The following DOP1B variants were observed in gnomAD, a reference collection of about 807,000 sequenced individuals.
The protein encoded by DOP1B is protein DOP1B.
A neutral mutation model predicts 233.5 loss-of-function variants in DOP1B; 174 were observed. That is an observed-to-expected ratio of 0.75 (90% CI 0.66 to 0.85). The LOEUF is 0.85. DOP1B is among the 40% of genes least tolerant of loss of function. The probability of loss-of-function intolerance (pLI) is 0.00; values close to 1 mark genes in which losing one functional copy is unlikely to be tolerated. For synonymous variants in DOP1B, 1,190 were observed against 1,185.6 expected, an observed-to-expected ratio of 1.00 and a Z score of -0.08; for missense variants, 2,652 against 2,846.6, an observed-to-expected ratio of 0.93 and a Z score of 1.56.
chr21:36,199,536 A>G (rs1257047357), intron 3 of DOP1B, among the ~76,000 whole-genome samples: 1 of 152,072 alleles, frequency 6.6e-6, no homozygotes, highest in African/African-American at 2.4e-5. Flanking sequence ...TGCTGCACCC[A>G]TTAACTCGTC....
intron 2 of DOP1B, among the ~76,000 whole-genome samples, chr21:36,182,971 G>A (rs1377870681): frequency 6.6e-6 from 1 of 152,202 alleles, no homozygotes; most frequent in Non-Finnish European, 1.5e-5. Flanking sequence ...GCATGCTGTG[G>A]CATGGCAGAC....
At position 36,237,326 on chromosome 21, in the gene DOP1B, T is replaced by A. The variant is rs989808277; in HGVS notation, c.2687T>A (p.Val896Glu). Residue 896 changes from valine (V) to glutamate (E), a missense_variant, in exon 16 of 37, where the codon GTA becomes GAA. Coordinates refer to ENST00000691173, the MANE Select transcript of DOP1B (RefSeq NM_001320714.2). ...ACCCGGGAGCATCACGTCACCTGCGTAGAATTGTTCTACCGGCTGCACTGC... is the reference window on the plus strand; with the variant it reads ...ACCCGGGAGCATCACGTCACCTGCGAAGAATTGTTCTACCGGCTGCACTGC... ...KETREHHVTC[V>E]ELFYRLHCLA... 1 of 1,614,068 alleles carries A rather than the reference T, an allele frequency of 6.2e-7. No individual in the cohort carries two copies. The highest frequency in any genetic ancestry group is 1.3e-5 in the African/African-American group (1 of 74,918).
At chr21:36,214,593 T>A in intron 9 of DOP1B, 37 bp downstream of exon 9, 1 of 1,530,426 alleles carries the variant, frequency 6.5e-7, no homozygotes, top group Non-Finnish European at 9.0e-7. Context: ...CTATGCTGAA[T>A]ACAGATTACC....
At position 36,214,517 on chromosome 21, in the gene DOP1B, T is replaced by C; in HGVS notation, c.1090T>C (p.Phe364Leu). The change falls in exon 9 of 37, where the codon TTT becomes CTT. Residue 364 changes from phenylalanine to leucine, a missense_variant. Transcript: ENST00000691173. ...ACGCCATCATGCATACCTGAAGCCT[T>C]TTCGCGTCCTCATCAGTCTGCTTGA... Reference protein sequence around the residue: ...EERHHAYLKPFRVLISLLDKP... With the variant: ...EERHHAYLKPLRVLISLLDKP... 1 of 1,614,024 alleles carries C rather than the reference T, an allele frequency of 6.2e-7. No individual in the cohort carries two copies. The highest frequency in any genetic ancestry group is 1.7e-5 in the Admixed American group (1 of 59,946).
intron 23 of DOP1B, among the ~76,000 whole-genome samples, chr21:36,256,324 C>T (rs2067097080): frequency 6.6e-6 from 1 of 151,942 alleles, no homozygotes; most frequent in Admixed American, 6.6e-5. Context: ...ACCTGTAGTC[C>T]CAGCCACTTG....
chr21:36,229,853 G>C (rs1484181942), intron 13 of DOP1B, among the ~76,000 whole-genome samples: 1 of 150,716 alleles, frequency 6.6e-6, no homozygotes, highest in Non-Finnish European at 1.5e-5. Flanking sequence ...AGTAGAGATG[G>C]GGTTTCACCA....
chr21:36,208,675 A>G, intron 4 of DOP1B, 40 bp from the exon 5 acceptor site: 3 of 1,591,634 alleles, frequency 1.9e-6, no homozygotes, highest in Non-Finnish European at 8.6e-7. Flanking sequence ...ACTCGGGAAG[A>G]TGGGGCGAGC....
intron 3 of DOP1B, 120 bp from the exon 4 acceptor site, chr21:36,200,211 A>AGTTT: frequency 7.5e-7 from 1 of 1,328,342 alleles, no homozygotes; most frequent in Admixed American, 2.5e-5. Context: ...CACACATCGA[A>AGTTT]ACCAGCAGTT....
At chr21:36,161,451 T>G (rs2065868785) in intron 1 of DOP1B, among the ~76,000 whole-genome samples, 1 of 152,198 alleles carries the variant, frequency 6.6e-6, no homozygotes, top group Non-Finnish European at 1.5e-5. Context: ...TTTATTTTTT[T>G]TAACAGCTTT....
Position 36,225,641 on chromosome 21 carries a change from G to T in DOP1B, c.1447G>T (p.Val483Phe). The T allele has an allele frequency of 6.2e-7, 1 of 1,614,144 alleles. No individual in the cohort carries two copies. The highest frequency in any genetic ancestry group is 8.5e-7 in the Non-Finnish European group (1 of 1,180,024). The change falls in exon 12 of 37, where the codon GTC becomes TTC. Residue 483 changes from valine to phenylalanine, a missense_variant. Coordinates refer to ENST00000691173, the MANE Select transcript of DOP1B (RefSeq NM_001320714.2). Reference protein sequence around the residue: ...PTVSELCALLVFLLDVIPLEL... With the variant: ...PTVSELCALLFFLLDVIPLEL... ...GGTCTCGGAGCTCTGCGCCCTCCTG[G>T]TCTTCCTGCTGGATGTCATTCCTTT...
At chr21:36,214,639 C>A in intron 9 of DOP1B, 83 bp downstream of exon 9, 1 of 1,160,460 alleles carries the variant, frequency 8.6e-7, no homozygotes, top group Non-Finnish European at 1.2e-6. Context: ...GAGATACAAC[C>A]AAAGCGTTAT....
chr21:36,171,951 G>C (rs1344445962), intron 2 of DOP1B, among the ~76,000 whole-genome samples: 1 of 152,184 alleles, frequency 6.6e-6, no homozygotes, highest in African/African-American at 2.4e-5. Flanking sequence ...TGAATGCTAA[G>C]AAGAAAAATA....
intron 26 of DOP1B, among the ~76,000 whole-genome samples, chr21:36,269,610 TC>T (rs1357276857): frequency 3.9e-5 from 6 of 152,168 alleles, no homozygotes; most frequent in African/African-American, 1.4e-4. Context: ...AGCTTCCACT[TC>T]CTGGGATCAA....
chr21:36,180,673 G>A (rs2066087818), intron 2 of DOP1B, among the ~76,000 whole-genome samples: 1 of 152,168 alleles, frequency 6.6e-6, no homozygotes, highest in Non-Finnish European at 1.5e-5. Context: ...CTGAGGTCAG[G>A]AGTTCGAGAC....
intron 18 of DOP1B, among the ~76,000 whole-genome samples, chr21:36,244,446 C>T (rs867930671): frequency 1.6e-4 from 24 of 151,742 alleles, no homozygotes; most frequent in Admixed American, 5.9e-4. Context: ...TTTTTTAAGA[C>T]GGAGTTTCGC....
At chr21:36,164,498 C>G (rs1391850830) in intron 1 of DOP1B, 1 of 311,056 alleles carries the variant, frequency 3.2e-6, no homozygotes, top group Middle Eastern at 9.3e-4. Context: ...GTTTCCTGTT[C>G]TCCCCCAGAA....
chr21:36,209,932 G>A (rs1465035285), intron 5 of DOP1B, among the ~76,000 whole-genome samples: 1 of 152,104 alleles, frequency 6.6e-6, no homozygotes, highest in Non-Finnish European at 1.5e-5. Context: ...CAAAATGGGG[G>A]TTGTAGACCT....
intron 18 of DOP1B, among the ~76,000 whole-genome samples, chr21:36,242,981 C>CTTTTTTTT (rs35476479): frequency 2.4e-5 from 3 of 127,162 alleles, no homozygotes; most frequent in Non-Finnish European, 1.7e-5. Flanking sequence ...TTCTTCTTTT[C>CTTTTTTTT]TTTTTTTTTT....
rs963966998 is a variant in DOP1B, at chr21:36,232,930, C to T, written c.2477C>T (p.Ser826Phe). The change falls in exon 15 of 37, where the codon TCC becomes TTC. Residue 826 changes from serine to phenylalanine, a missense_variant. Coordinates refer to ENST00000691173, the MANE Select transcript of DOP1B (RefSeq NM_001320714.2). ...TLLEVINHSQSLALVIEDKMK... is the reference protein window; with the variant it reads ...TLLEVINHSQFLALVIEDKMK... ...CTGGAAGTGATAAACCATTCCCAGT[C>T]CCTGGCGCTTGTCATTGAAGACAAG... 5.6e-6 allele frequency: 9 copies of T among 1,614,124 alleles called. No individual in the cohort carries two copies. The highest frequency in any genetic ancestry group is 2.2e-5 in the East Asian group (1 of 44,870).
Sources: gnomAD v4.1 joint callset for allele counts (sites outside exome capture counted in the v4.1 genomes callset) on GRCh38, gnomAD v4.1.1 for gene constraint, MANE v1.5 for transcripts, NCBI Gene and HGNC (gene_info 2026-07-23, HGNC 2026-07-21) for gene names.